TMPRSS6: variants seen among roughly 807,000 people sequenced by gnomAD.
The protein encoded by TMPRSS6 is transmembrane protease serine 6.
In TMPRSS6, 67 loss-of-function variants were observed where a neutral mutation model predicts 101.5. The observed-to-expected ratio is 0.66, with a 90% confidence interval of 0.54 to 0.81. TMPRSS6 has a LOEUF of 0.81. Among genes scored for constraint, TMPRSS6 ranks in the 30% least tolerant of loss-of-function variants. The probability of loss-of-function intolerance (pLI) is 0.00; values close to 1 mark genes in which losing one functional copy is unlikely to be tolerated. For missense variants in TMPRSS6, 1,034 were observed against 1,088.7 expected (o/e 0.95, Z 0.71); for synonymous variants, 453 against 464.9 (o/e 0.97, Z 0.33).
chr22:37,093,384 C>CTTTTTTTTTTTTTTTTTTTTT (rs67659825), intron 6 of TMPRSS6, among the ~76,000 whole-genome samples: 2 of 82,544 alleles, frequency 2.4e-5, no homozygotes, highest in African/African-American at 1.0e-4. Context: ...TTCTTTCTTT[C>CTTTTTTTTTTTTTTTTTTTTT]TTTTTTTTTT....
rs746202236 is a variant in TMPRSS6 at position 37,084,870 on chromosome 22, G to A, written c.974-31C>T. The A allele has an allele frequency of 2.6e-6, 4 of 1,531,336 alleles. No homozygotes were observed. The South Asian group carries it at 4.8e-5, about 18-fold the overall frequency. The allele number at this position is 1,531,336 out of a possible 1,614,324, so 94.9% of individuals were successfully genotyped here. ...CCAGGAGAGCAGCTGTTACACAGGG[G>A]TCCCCTGGCTGCACCTCCCAGCAGG... On this transcript the variant is annotated intron_variant, in intron 8 of 17. Coordinates refer to ENST00000676104, the MANE Select transcript of TMPRSS6 (RefSeq NM_001374504.1).
chr22:37,091,563 G>A (rs1474424008), intron 6 of TMPRSS6, among the ~76,000 whole-genome samples: 1 of 152,174 alleles, frequency 6.6e-6, no homozygotes, highest in Non-Finnish European at 1.5e-5. Context: ...TACAAAATCA[G>A]GCAGCAGTGG....
At chr22:37,078,973 A>AAAAGAAAGAAAGAAAG (rs71193296) in intron 10 of TMPRSS6, among the ~76,000 whole-genome samples, 8,139 of 106,336 alleles carry the variant, frequency 0.077, 479 homozygotes, top group Admixed American at 0.14. Flanking sequence ...GAAAGAAAGA[A>AAAAGAAAGAAAGAAAG]AAAGAAAGAA....
At chr22:37,068,654 A>C (rs1379986730) in intron 16 of TMPRSS6, 1 of 779,666 alleles carries the variant, frequency 1.3e-6, no homozygotes, top group Admixed American at 1.7e-5. Context: ...CCATCCATAA[A>C]ATAGGGCCAC....
rs923959727 is a variant in TMPRSS6 at position 37,095,990 on chromosome 22, C to G, written c.505G>C (p.Glu169Gln). Reference protein sequence around the residue: ...PEVVQALLVEELLSTVNSSAA... With the variant: ...PEVVQALLVEQLLSTVNSSAA... ...GAGCTGTTGACTGTGGACAGCAGCT[C>G]CTCCACCAGCAGTGCCTGCACCACC... is the stretch of plus-strand genomic sequence containing the variant. The change falls in exon 5 of 18, where the codon GAG becomes CAG. Residue 169 changes from glutamate to glutamine, a missense_variant. Physicochemically the swap from Glu to Gln is conservative, Grantham distance 29. Coordinates refer to ENST00000676104, the MANE Select transcript of TMPRSS6 (RefSeq NM_001374504.1). 1.2e-6 allele frequency: 2 copies of G among 1,614,216 alleles called. No individual in the cohort carries two copies. Among genetic ancestry groups the G allele is most frequent in the African/African-American group, 1.3e-5 (1 of 75,072 alleles).
At chr22:37,088,438 C>A (rs1376268668) in intron 7 of TMPRSS6, among the ~76,000 whole-genome samples, 1 of 152,232 alleles carries the variant, frequency 6.6e-6, no homozygotes, top group African/African-American at 2.4e-5. Flanking sequence ...AGGCATCAGC[C>A]TGACGCCCAG....
chr22:37,066,851 C>T lies in TMPRSS6; in HGVS notation c.2225G>A (p.Arg742His), dbSNP rs780669842. The part of the protein sequence containing the change: ...VTPRMLCAGY[R>H]KGKKDACQGD... Reference sequence around the variant, plus strand: ...CTGACAGGCATCCTTCTTGCCCTTGCGGTAGCCGGCACACAGCATGCGTGG... The same window carrying T: ...CTGACAGGCATCCTTCTTGCCCTTGTGGTAGCCGGCACACAGCATGCGTGG... The change falls in exon 17 of 18, where the codon CGC becomes CAC. Residue 742 changes from arginine (R) to histidine (H), a missense_variant. By Grantham distance (29) the Arg-to-His change is conservative (BLOSUM62 0). Transcript: ENST00000676104. The T allele has an allele frequency of 5.2e-5, 84 of 1,614,144 alleles. No individual in the cohort carries two copies. Among genetic ancestry groups the T allele is most frequent in the South Asian group, 4.4e-4 (40 of 91,082 alleles).
At chr22:37,073,413 T>G (rs981158293) in intron 13 of TMPRSS6, 119 bp downstream of exon 13, 2 of 669,816 alleles carry the variant, frequency 3.0e-6, no homozygotes, top group Admixed American at 2.1e-5. Flanking sequence ...GACATACAGA[T>G]GTAAATACAG....
intron 6 of TMPRSS6, among the ~76,000 whole-genome samples, chr22:37,094,468 GAGAC>G (rs780542700): frequency 2.1e-4 from 32 of 151,958 alleles, no homozygotes; most frequent in South Asian, 1.5e-3. Flanking sequence ...CAGAGACAGA[GAGAC>G]AGACAGATAG....
At chr22:37,068,700 G>C (rs770702878) in intron 16 of TMPRSS6, 2 of 779,588 alleles carry the variant, frequency 2.6e-6, no homozygotes, top group African/African-American at 3.4e-5. Flanking sequence ...TGGATTATAT[G>C]AAGTCAAGTT....
chr22:37,091,523 G>C (rs2146132827), intron 6 of TMPRSS6, among the ~76,000 whole-genome samples: 1 of 152,318 alleles, frequency 6.6e-6, no homozygotes, highest in East Asian at 1.9e-4. Flanking sequence ...CATCAGCTGT[G>C]TGATGATGTC....
chr22:37,094,249 G>A (rs978610823), intron 6 of TMPRSS6, among the ~76,000 whole-genome samples: 6 of 152,108 alleles, frequency 3.9e-5, no homozygotes, highest in Admixed American at 3.3e-4. Flanking sequence ...GTAATAAGCT[G>A]TCAATGATTT....
chr22:37,087,473 G>A (rs1928877572), intron 7 of TMPRSS6, among the ~76,000 whole-genome samples: 1 of 152,174 alleles, frequency 6.6e-6, no homozygotes, highest in African/African-American at 2.4e-5. Context: ...GGCATGGTGG[G>A]CATAACCCCA....
Position 37,075,399 on chromosome 22 carries a change from C to T in TMPRSS6, c.1197-119G>A. On this transcript the variant is annotated intron_variant, in intron 10 of 17. Transcript: ENST00000676104. Reference sequence around the variant, plus strand: ...GGGAGCTGCACGCCCGCTGTGCCTCCTCTGCCCTGATTTCTCCCTTAGATG... The same window carrying T: ...GGGAGCTGCACGCCCGCTGTGCCTCTTCTGCCCTGATTTCTCCCTTAGATG... The T allele has an allele frequency of 2.2e-6, 3 of 1,370,508 alleles. No individual in the cohort carries two copies. In the South Asian group the frequency reaches 3.9e-5, roughly 18 times the overall value. The allele number at this position is 1,370,508 out of a possible 1,614,324, so 84.9% of individuals were successfully genotyped here.
chr22:37,070,189 C>CT (rs1473650292), intron 15 of TMPRSS6, among the ~76,000 whole-genome samples: 1 of 151,972 alleles, frequency 6.6e-6, no homozygotes, highest in Non-Finnish European at 1.5e-5. Context: ...TAGCACAGCC[C>CT]TGGCACATAG....
At chr22:37,100,417 G>GA (rs1218077337) in intron 2 of TMPRSS6, among the ~76,000 whole-genome samples, 1 of 152,146 alleles carries the variant, frequency 6.6e-6, no homozygotes, top group South Asian at 2.1e-4. Context: ...GATGTCCAGG[G>GA]GGACAGAGCC....
intron 17 of TMPRSS6, 136 bp downstream of exon 17, chr22:37,066,690 A>C: frequency 8.5e-7 from 1 of 1,174,996 alleles, no homozygotes; most frequent in South Asian, 1.3e-5. Flanking sequence ...TCTTCTGTAA[A>C]GTAGGGGTGG....
At chr22:37,087,267 G>A (rs780767387) in intron 7 of TMPRSS6, among the ~76,000 whole-genome samples, 35 of 152,172 alleles carry the variant, frequency 2.3e-4, no homozygotes, top group Non-Finnish European at 3.7e-4. Flanking sequence ...AGAAACTAAC[G>A]GCCCCACCTC....
rs755218085 is a variant in TMPRSS6, at chr22:37,073,555, C to T, written c.1532G>A (p.Ser511Asn). Residue 511 changes from serine (S) to asparagine (N), a missense_variant, in exon 13 of 18, where the codon AGC becomes AAC. Ser to Asn is a conservative substitution (Grantham distance 46). Transcript: ENST00000676104. ...ACCTTCCTGGCACTGCTCTTCGTCG[C>T]TGCCGTTGAGACAATCAGGCTGCCC... is the stretch of plus-strand genomic sequence containing the variant. ...CDGQPDCLNG[S>N]DEEQCQEGVP... is the part of the protein sequence containing the mutation. 2 of 1,613,928 alleles carry T rather than the reference C, an allele frequency of 1.2e-6. No homozygotes were observed. The highest frequency in any genetic ancestry group is 3.3e-5 in the Admixed American group (2 of 60,030).
Sources: gnomAD v4.1 joint callset for allele counts (sites outside exome capture counted in the v4.1 genomes callset) on GRCh38, gnomAD v4.1.1 for gene constraint, MANE v1.5 for transcripts, NCBI Gene and HGNC (gene_info 2026-07-23, HGNC 2026-07-21) for gene names.